DRC11L: variants seen among roughly 807,000 people sequenced by gnomAD.
The protein encoded by DRC11L is dynein regulatory complex subunit like-11.
the DRC11L span, among the ~76,000 whole-genome samples, chr7:151,199,874 G>GAGCCA: frequency 2.6e-4 from 39 of 152,262 alleles, no homozygotes; most frequent in Non-Finnish European, 4.6e-4. The surrounding 1 kb of genome is among the most constrained non-coding windows in gnomAD (Gnocchi z 5.2). Flanking sequence ...AGAGAACAGG[G>GAGCCA]GATAGACAGA....
the DRC11L span, chr7:151,195,994 G>A: frequency 3.3e-5 from 8 of 240,106 alleles, no homozygotes; most frequent in Non-Finnish European, 4.0e-5. Flanking sequence ...TTGCATAACC[G>A]CTTAGCCTCA....
the DRC11L span, chr7:151,204,726 T>C: frequency 7.5e-6 from 3 of 399,042 alleles, no homozygotes; most frequent in Admixed American, 4.4e-5. Flanking sequence ...TGCGAGCCTG[T>C]ACTGGAAGGA....
the DRC11L span, chr7:151,195,308 G>A: frequency 3.0e-5 from 12 of 398,132 alleles, no homozygotes; most frequent in Non-Finnish European, 4.9e-5. Flanking sequence ...GGGAGTCAGA[G>A]AGGGAAAGCG....
chr7:151,195,389 C>T, the DRC11L span: 2 of 398,952 alleles, frequency 5.0e-6, no homozygotes, highest in African/African-American at 4.1e-5. Context: ...CTTACTCCAC[C>T]ACCACCACCA....
chr7:151,194,570 C>G, the DRC11L span: 4 of 399,426 alleles, frequency 1.0e-5, no homozygotes, highest in African/African-American at 8.2e-5. Flanking sequence ...CCAGAAATAA[C>G]AAGCTCTTCG....
At chr7:151,199,135 TCACACACA>T in the DRC11L span, 1 of 397,792 alleles carries the variant, frequency 2.5e-6, no homozygotes, top group Non-Finnish European at 4.4e-6. This position sits in a 1 kb window ranked among gnomAD's most constrained non-coding sequence, Gnocchi z 5.2. Flanking sequence ...ACACAAGGCC[TCACACACA>T]CACCCACACG....
the DRC11L span, chr7:151,204,379 C>G: frequency 2.7e-4 from 63 of 235,620 alleles, no homozygotes; most frequent in Middle Eastern, 1.3e-3. Context: ...TCGGCCCCAT[C>G]CCTACCCCAC....
chr7:151,194,644 T>G, the DRC11L span: 1 of 399,064 alleles, frequency 2.5e-6, no homozygotes, highest in African/African-American at 2.1e-5. Context: ...ACAAGGGACA[T>G]TAGCAAGTGA....
At chr7:151,200,401 C>G in the DRC11L span, 1 of 399,196 alleles carries the variant, frequency 2.5e-6, no homozygotes, top group East Asian at 3.6e-5. Context: ...TGAACTCCAT[C>G]TCCATTCGCC....
chr7:151,205,474 T>C, the DRC11L span: 1 of 399,134 alleles, frequency 2.5e-6, no homozygotes, highest in Non-Finnish European at 4.4e-6. Flanking sequence ...TCCTCCACGC[T>C]GCCCCTTGTT....
At chr7:151,195,907 G>GCCTTCAACATGC in the DRC11L span, 3 of 342,394 alleles carry the variant, frequency 8.8e-6, no homozygotes, top group Admixed American at 1.4e-4. Context: ...GTTCTTAACA[G>GCCTTCAACATGC]CCTTCAACAT....
chr7:151,205,118 TG>T, the DRC11L span, among the ~76,000 whole-genome samples: 2 of 151,836 alleles, frequency 1.3e-5, no homozygotes, highest in African/African-American at 4.8e-5. Flanking sequence ...CTTGGGGCTC[TG>T]GTAAGGAAGG....
the DRC11L span, chr7:151,197,021 G>A: frequency 2.5e-6 from 1 of 399,476 alleles, no homozygotes; most frequent in South Asian, 1.3e-4. Flanking sequence ...GATACATTTG[G>A]ATGGCAACAC....
At chr7:151,191,589 A>G in the DRC11L span, 2 of 398,484 alleles carry the variant, frequency 5.0e-6, no homozygotes, top group African/African-American at 4.1e-5. Context: ...CAGGGGGCTG[A>G]CTCCCCAAGG....
At chr7:151,200,024 G>C in the DRC11L span, among the ~76,000 whole-genome samples, 8 of 152,200 alleles carry the variant, frequency 5.3e-5, no homozygotes, top group African/African-American at 1.7e-4. Context: ...AGAGGCTTGT[G>C]GGGGGCAGTG....
At chr7:151,192,630 G>A in the DRC11L span, 1 of 398,918 alleles carries the variant, frequency 2.5e-6, no homozygotes. Flanking sequence ...AGAGGGGCAT[G>A]TGCAAGGCCC....
At chr7:151,200,174 G>A in the DRC11L span, among the ~76,000 whole-genome samples, 2 of 152,228 alleles carry the variant, frequency 1.3e-5, no homozygotes, top group African/African-American at 4.8e-5. Context: ...GCTGCCAGGG[G>A]CCGGATTTCT....
At chr7:151,193,666 C>T in the DRC11L span, among the ~76,000 whole-genome samples, 1 of 152,038 alleles carries the variant, frequency 6.6e-6, no homozygotes, top group Non-Finnish European at 1.5e-5. Context: ...GTCTGGGAGC[C>T]GGGAGTGGCA....
chr7:151,196,682 G>A, the DRC11L span: 17 of 398,246 alleles, frequency 4.3e-5, no homozygotes. Context: ...CAGGTCAGGA[G>A]CCAGGCCCTG....
Sources: allele counts gnomAD v4.1 joint callset (sites outside exome capture counted in the v4.1 genomes callset), GRCh38; gene constraint gnomAD v4.1.1; non-coding constraint Gnocchi (gnomAD v3.1); transcripts MANE v1.5; gene names NCBI Gene and HGNC (gene_info 2026-07-23, HGNC 2026-07-21).